Variants in EDN3 observed in about 807,000 individuals in gnomAD.
The protein encoded by EDN3 is endothelin 3, also known as endothelin-3.
In EDN3, 9 loss-of-function variants were observed where a neutral mutation model predicts 21.4. The observed-to-expected ratio is 0.42, with a 90% CI of 0.25 to 0.73. The LOEUF (loss-of-function observed/expected upper bound fraction) is 0.73, where lower values mean the gene tolerates loss of function less well. Ranked by LOEUF, EDN3 falls within the 30% of genes least tolerant of loss-of-function variation. The pLI, the probability that EDN3 is intolerant of heterozygous loss-of-function variation, is 0.26. For missense variants in EDN3, 327 were observed against 309.4 expected (o/e 1.06, Z -0.43); for synonymous variants, 133 against 126.2 (o/e 1.05, Z -0.36).
chr20:59,301,973 A>G (rs1989078397), intron 2 of EDN3, among the ~76,000 whole-genome samples: 1 of 152,102 alleles, frequency 6.6e-6, no homozygotes, highest in African/African-American at 2.4e-5. Context: ...TGGAAGGAGG[A>G]GCCCTCCCTC....
chr20:59,317,712 G>A (rs1329397718), intron 2 of EDN3, among the ~76,000 whole-genome samples: 1 of 152,214 alleles, frequency 6.6e-6, no homozygotes. Flanking sequence ...CACGTATATA[G>A]TGGATGCTGA....
At chr20:59,323,830 A>G in intron 4 of EDN3, 1 of 453,592 alleles carries the variant, frequency 2.2e-6, no homozygotes. Context: ...TGTGGTGATT[A>G]TTACTGTTCT....
chr20:59,322,592 T>G lies in EDN3; in HGVS notation c.588+175T>G, dbSNP rs1226613805. ...AATGGTGCCTTTGGTGGACCGTTTC[T>G]GGGGGCAGAGCGGGCTGAAGCTGTG... On this transcript the variant is annotated intron_variant, in intron 4 of 4. Transcript: ENST00000337938. This position sits in a 1 kb window ranked among gnomAD's most constrained non-coding sequence, Gnocchi z 4.1. The G allele has an allele frequency of 6.7e-6, 6 of 891,756 alleles. No individual in the cohort carries two copies. Among genetic ancestry groups the G allele is most frequent in the Non-Finnish European group, 1.1e-5 (6 of 550,768 alleles). 55.2% of individuals were successfully genotyped at this position (891,756 alleles called of 1,614,324 possible).
At chr20:59,321,999 C>T (rs947410591) in intron 3 of EDN3, among the ~76,000 whole-genome samples, 4 of 152,164 alleles carry the variant, frequency 2.6e-5, no homozygotes, top group South Asian at 4.1e-4. Context: ...CTGGAGCAGG[C>T]GTAGGTGAGC....
Position 59,300,788 on chromosome 20 carries a change from G to GCGC in EDN3, c.-25_-24insCGC. ...CACAAGCGGCCGTCCTCCTGGTCCG[G>GCGC]TGCTCCGGCGCCTGATCTAGGTTCA... On this transcript the variant is annotated 5_prime_UTR_variant, in exon 1 of 5. Coordinates refer to ENST00000337938, the MANE Select transcript of EDN3 (RefSeq NM_207034.3). 6.2e-7 allele frequency: 1 copy of GCGC among 1,605,154 alleles called. No homozygotes were observed. The highest frequency in any genetic ancestry group is 2.2e-5 in the East Asian group (1 of 44,518).
At chr20:59,302,560 G>A (rs1262128326) in intron 2 of EDN3, among the ~76,000 whole-genome samples, 1 of 152,100 alleles carries the variant, frequency 6.6e-6, no homozygotes, top group Non-Finnish European at 1.5e-5. Context: ...TCATCTTGCA[G>A]GCCATACAGA....
Position 59,322,382 on chromosome 20 carries a change from A to T in EDN3, c.553A>T (p.Thr185Ser), listed in dbSNP as rs970449597. 6.8e-6 allele frequency: 11 copies of T among 1,614,196 alleles called. No homozygotes were observed. Among genetic ancestry groups the T allele is most frequent in the Non-Finnish European group, 9.3e-6 (11 of 1,180,032 alleles). The change falls in exon 4 of 5, where the codon ACG becomes TCG. Residue 185 changes from threonine to serine, a missense_variant. Physicochemically the swap from Thr to Ser is moderately conservative, Grantham distance 58 (BLOSUM62 1). Transcript: ENST00000337938. This position sits in a 1 kb window ranked among gnomAD's most constrained non-coding sequence, Gnocchi z 4.1. The part of the protein sequence containing the change: ...QTLDVSSNSR[T>S]AEKTDKEEEG... ...GCTCTCTCCCCACAGTAATTCAAGGACGGCAGAAAAAACAGACAAAGAAGA... is the reference window on the plus strand; with the variant it reads ...GCTCTCTCCCCACAGTAATTCAAGGTCGGCAGAAAAAACAGACAAAGAAGA...
At chr20:59,323,212 A>T (rs197178) in intron 4 of EDN3, among the ~76,000 whole-genome samples, 45,386 of 151,920 alleles carry the variant, frequency 0.3, 8,925 homozygotes, top group African/African-American at 0.56. Flanking sequence ...TCTGTCAGCA[A>T]CCATAATAAA....
chr20:59,324,292 C>T (rs1990714201), intron 4 of EDN3, 39 bp from the exon 5 acceptor site: 1 of 1,613,806 alleles, frequency 6.2e-7, no homozygotes, highest in Non-Finnish European at 8.5e-7. Flanking sequence ...CATAACATAC[C>T]TTTCTTTTTT....
intron 2 of EDN3, 87 bp downstream of exon 2, chr20:59,301,809 C>A (rs1036398642): frequency 1.4e-6 from 2 of 1,461,342 alleles, no homozygotes; most frequent in Non-Finnish European, 1.9e-6. Context: ...TCCACCCCAG[C>A]CCCGCTCAGT....
At chr20:59,300,899 G>T (rs762616424) in intron 1 of EDN3, 35 bp downstream of exon 1, 1 of 1,606,136 alleles carries the variant, frequency 6.2e-7, no homozygotes, top group South Asian at 1.1e-5. Flanking sequence ...CTCCTGGCGC[G>T]AGCGCACACA....
rs1989371215 is a variant in EDN3 at position 59,305,882 on chromosome 20, G to A, written c.365+4160G>A. 6.6e-6 allele frequency among the ~76,000 whole-genome samples: 1 copy of A among 152,176 alleles called. No homozygotes were observed. The highest frequency in any genetic ancestry group is 1.5e-5 in the Non-Finnish European group (1 of 68,038). On this transcript the variant is annotated intron_variant, in intron 2 of 4. Coordinates refer to ENST00000337938, the MANE Select transcript of EDN3 (RefSeq NM_207034.3). The surrounding 1 kb of genome is among the most constrained non-coding windows in gnomAD (Gnocchi z 4.2). Reference sequence around the variant, plus strand: ...TAATCACATATCAAAAATACCTTCAGGGCAACATCTAGGCTGCTGTTTGAC... The same window carrying A: ...TAATCACATATCAAAAATACCTTCAAGGCAACATCTAGGCTGCTGTTTGAC...
At chr20:59,321,648 G>GC (rs1451867177) in intron 3 of EDN3, among the ~76,000 whole-genome samples, 11 of 152,218 alleles carry the variant, frequency 7.2e-5, no homozygotes, top group African/African-American at 2.2e-4. Flanking sequence ...TGGTCTCAGA[G>GC]CCCCCCTTCT....
At chr20:59,316,086 T>C (rs1005745030) in intron 2 of EDN3, among the ~76,000 whole-genome samples, 2 of 151,862 alleles carry the variant, frequency 1.3e-5, no homozygotes, top group Non-Finnish European at 2.9e-5. Context: ...CTTGGGAGGG[T>C]GAGGCACGAG....
At chr20:59,313,330 G>T (rs141864448) in intron 2 of EDN3, among the ~76,000 whole-genome samples, 1 of 152,204 alleles carries the variant, frequency 6.6e-6, no homozygotes, top group African/African-American at 2.4e-5. Context: ...GGCTGGACAA[G>T]GTCCTGCTGT....
At chr20:59,313,353 G>C (rs1989956066) in intron 2 of EDN3, among the ~76,000 whole-genome samples, 1 of 152,310 alleles carries the variant, frequency 6.6e-6, no homozygotes. Flanking sequence ...CTGAGCCAGG[G>C]GGTTGTGCCT....
At chr20:59,316,158 C>G (rs559050411) in intron 2 of EDN3, among the ~76,000 whole-genome samples, 5 of 152,286 alleles carry the variant, frequency 3.3e-5, no homozygotes, top group Admixed American at 3.3e-4. Flanking sequence ...TGCACTCCAG[C>G]CTGGCGACAG....
chr20:59,324,429 C>G lies in EDN3; in HGVS notation c.687C>G (p.Pro229=). Residue 229 remains proline (P), a synonymous_variant, in exon 5 of 5, where the codon CCC becomes CCG. Coordinates refer to ENST00000337938, the MANE Select transcript of EDN3 (RefSeq NM_207034.3). ...SGLALAPSTC[P]RCLFQEGAP ...TCGCCCTCGCTCCATCTACCTGCCCCCGCTGCCTCTTTCAGGAAGGAGCCC... is the reference window on the plus strand; with the variant it reads ...TCGCCCTCGCTCCATCTACCTGCCCGCGCTGCCTCTTTCAGGAAGGAGCCC... 1 of 1,614,172 alleles carries G rather than the reference C, an allele frequency of 6.2e-7. No individual in the cohort carries two copies. The highest frequency in any genetic ancestry group is 8.5e-7 in the Non-Finnish European group (1 of 1,180,034).
Position 59,316,779 on chromosome 20 carries a change from C to T in EDN3, c.366-4238C>T, listed in dbSNP as rs774892431. ...TTTGATAAAAAAGACTCTGTTGTCACCACACCAATCAAATAATGAATGTTC... is the reference window on the plus strand; with the variant it reads ...TTTGATAAAAAAGACTCTGTTGTCATCACACCAATCAAATAATGAATGTTC... On this transcript the variant is annotated intron_variant, in intron 2 of 4. Transcript: ENST00000337938. Among the ~76,000 whole-genome samples, 4 of 152,098 alleles carry T rather than the reference C, an allele frequency of 2.6e-5. No homozygotes were observed. The South Asian group carries it at 8.3e-4, about 32-fold the overall frequency.
Sources: allele counts gnomAD v4.1 joint callset (sites outside exome capture counted in the v4.1 genomes callset), GRCh38; gene constraint gnomAD v4.1.1; non-coding constraint Gnocchi (gnomAD v3.1); transcripts MANE v1.5; gene names NCBI Gene and HGNC (gene_info 2026-07-23, HGNC 2026-07-21).